NALF1: variants seen among roughly 807,000 people sequenced by gnomAD.
NALF1 encodes NALCN channel auxiliary factor 1, also known as family with sequence similarity 155 member A.
In NALF1, 3 loss-of-function variants were observed where a neutral mutation model predicts 48.4. The ratio of observed to expected loss-of-function variants is 0.06; its 90% confidence interval spans 0.03 to 0.16. The LOEUF (loss-of-function observed/expected upper bound fraction) is 0.16. Among genes scored for constraint, NALF1 ranks in the 10% least tolerant of loss-of-function variants. The probability of loss-of-function intolerance (pLI) is 1.00; values close to 1 mark genes in which losing one functional copy is unlikely to be tolerated. For synonymous variants in NALF1, 262 were observed against 245.7 expected (o/e 1.07, Z -0.62); for missense variants, 526 against 571.5 (o/e 0.92, Z 0.81).
intron 1 of NALF1, among the ~76,000 whole-genome samples, chr13:107,461,239 A>T (rs1884913966): frequency 6.6e-6 from 1 of 152,110 alleles, no homozygotes; most frequent in Non-Finnish European, 1.5e-5. Context: ...GATCTTGTCC[A>T]TTTTTTTACT....
intron 2 of NALF1, among the ~76,000 whole-genome samples, chr13:107,207,675 G>T (rs939945366): frequency 3.9e-5 from 6 of 152,144 alleles, no homozygotes; most frequent in African/African-American, 2.4e-5. Context: ...TTGAGACAGG[G>T]TCTCGCTATG....
intron 1 of NALF1, among the ~76,000 whole-genome samples, chr13:107,770,025 G>A (rs1204833582): frequency 6.6e-6 from 1 of 152,140 alleles, no homozygotes; most frequent in Non-Finnish European, 1.5e-5. Context: ...CCATTCTCCT[G>A]CCTCAGCCTC....
At chr13:107,189,239 G>A (rs1027644938) in intron 2 of NALF1, among the ~76,000 whole-genome samples, 1 of 152,174 alleles carries the variant, frequency 6.6e-6, no homozygotes, top group Non-Finnish European at 1.5e-5. Flanking sequence ...AAGACTGTCT[G>A]CAGCCAAAGA....
chr13:107,596,853 G>A (rs1002101787), intron 1 of NALF1, among the ~76,000 whole-genome samples: 2 of 152,014 alleles, frequency 1.3e-5, no homozygotes, highest in Non-Finnish European at 2.9e-5. Flanking sequence ...ATTTTCATTC[G>A]TGTTCATTTC....
At chr13:107,184,548 A>G (rs927907061) in intron 2 of NALF1, among the ~76,000 whole-genome samples, 1 of 152,170 alleles carries the variant, frequency 6.6e-6, no homozygotes, top group African/African-American at 2.4e-5. Flanking sequence ...TGTGTATAAC[A>G]TATTTGCATG....
chr13:107,500,376 G>A (rs899084674), intron 1 of NALF1, among the ~76,000 whole-genome samples: 17 of 152,278 alleles, frequency 1.1e-4, no homozygotes, highest in African/African-American at 2.9e-4. Flanking sequence ...CTTGCCATCA[G>A]AGAAATGCAA....
At chr13:107,489,302 A>G (rs759575064) in intron 1 of NALF1, among the ~76,000 whole-genome samples, 15 of 152,214 alleles carry the variant, frequency 9.9e-5, no homozygotes, top group Non-Finnish European at 1.8e-4. Flanking sequence ...TATGAAACCA[A>G]AAAAGTGCCT....
intron 1 of NALF1, among the ~76,000 whole-genome samples, chr13:107,285,099 T>C (rs115593161): frequency 1.4e-3 from 208 of 152,330 alleles, no homozygotes; most frequent in African/African-American, 4.5e-3. Context: ...ATATATTATA[T>C]GTCTATGTGT....
At chr13:107,769,690 TA>T (rs71121554) in intron 1 of NALF1, among the ~76,000 whole-genome samples, 85,479 of 146,956 alleles carry the variant, frequency 0.58, 25,391 homozygotes, top group Middle Eastern at 0.67. Context: ...TAAAGTATAA[TA>T]AAAAAAAAAA....
At chr13:107,305,523 ATGT>A (rs1347218803) in intron 1 of NALF1, among the ~76,000 whole-genome samples, 1 of 152,190 alleles carries the variant, frequency 6.6e-6, no homozygotes, top group Non-Finnish European at 1.5e-5. Flanking sequence ...TATGCTTTAG[ATGT>A]TGTCATGAGA....
chr13:107,579,912 A>C (rs1878257702), intron 1 of NALF1, among the ~76,000 whole-genome samples: 1 of 151,926 alleles, frequency 6.6e-6, no homozygotes, highest in African/African-American at 2.4e-5. Context: ...ATCTAGAACT[A>C]GAAATACCAT....
intron 1 of NALF1, among the ~76,000 whole-genome samples, chr13:107,517,908 C>A (rs762165896): frequency 1.3e-5 from 2 of 150,726 alleles, no homozygotes; most frequent in African/African-American, 2.4e-5. Context: ...GCCGAGGTTG[C>A]GCCATGTTGC....
At chr13:107,806,484 G>A (rs1364344986) in intron 1 of NALF1, among the ~76,000 whole-genome samples, 3 of 151,988 alleles carry the variant, frequency 2.0e-5, no homozygotes, top group Non-Finnish European at 4.4e-5. Flanking sequence ...ACGTAACTTA[G>A]AAATGATAAG....
chr13:107,309,941 T>C (rs1882012623), intron 1 of NALF1, among the ~76,000 whole-genome samples: 1 of 152,218 alleles, frequency 6.6e-6, no homozygotes, highest in South Asian at 2.1e-4. Context: ...CCTTTATAGC[T>C]ATTTTATGTC....
At chr13:107,582,855 TA>T (rs1434144069) in intron 1 of NALF1, among the ~76,000 whole-genome samples, 1 of 152,146 alleles carries the variant, frequency 6.6e-6, no homozygotes, top group Non-Finnish European at 1.5e-5. Context: ...ATGTGTAGCC[TA>T]AAATGAGTCT....
At chr13:107,183,687 T>C (rs1040715400) in intron 2 of NALF1, among the ~76,000 whole-genome samples, 1 of 152,128 alleles carries the variant, frequency 6.6e-6, no homozygotes, top group Admixed American at 6.5e-5. Flanking sequence ...GTTCATGTCC[T>C]TTGCAGGGAC....
At chr13:107,605,579 T>C (rs1879044256) in intron 1 of NALF1, among the ~76,000 whole-genome samples, 1 of 152,194 alleles carries the variant, frequency 6.6e-6, no homozygotes, top group Non-Finnish European at 1.5e-5. Flanking sequence ...AAAAAAAGAT[T>C]AAAGAAAGCA....
intron 1 of NALF1, among the ~76,000 whole-genome samples, chr13:107,434,409 A>C (rs1245551253): frequency 2.0e-5 from 3 of 152,182 alleles, no homozygotes; most frequent in Non-Finnish European, 2.9e-5. Context: ...GGTGTAGTTT[A>C]CACTAACCAG....
At chr13:107,825,863 C>T (rs2138621785) in intron 1 of NALF1, among the ~76,000 whole-genome samples, 1 of 152,338 alleles carries the variant, frequency 6.6e-6, no homozygotes, top group Non-Finnish European at 1.5e-5. Flanking sequence ...TCACTGCAAC[C>T]TCCACCTCCT....
Sources: gnomAD v4.1 joint callset for allele counts (sites outside exome capture counted in the v4.1 genomes callset) on GRCh38, gnomAD v4.1.1 for gene constraint, MANE v1.5 for transcripts, NCBI Gene and HGNC (gene_info 2026-07-23, HGNC 2026-07-21) for gene names.